Variants in MYO3B observed in about 807,000 individuals in gnomAD.
MYO3B encodes myosin-IIIb.
MYO3B carries 156 observed loss-of-function variants against 174.6 expected under a neutral mutation model. The ratio of observed to expected loss-of-function variants is 0.89; its 90% CI spans 0.78 to 1.02. The LOEUF is 1.02. Ranked by LOEUF, MYO3B falls within the 50% of genes least tolerant of loss-of-function variation. MYO3B has a pLI of 0.00. For missense variants in MYO3B, 1,632 were observed against 1,639.4 expected, an observed-to-expected ratio of 1.00 and a Z score of 0.08; for synonymous variants, 563 against 569.1, an observed-to-expected ratio of 0.99 and a Z score of 0.15.
At chr2:170,234,193 CAAAACAAAAA>C (rs2093045943) in intron 6 of MYO3B, among the ~76,000 whole-genome samples, 4 of 33,996 alleles carry the variant, frequency 1.2e-4, no homozygotes, top group Non-Finnish European at 3.6e-4. Context: ...AAAAACAAAA[CAAAACAAAAA>C]AAAAACACCT....
At chr2:170,581,258 A>G (rs1693131668) in intron 32 of MYO3B, among the ~76,000 whole-genome samples, 1 of 152,176 alleles carries the variant, frequency 6.6e-6, no homozygotes, top group Non-Finnish European at 1.5e-5. Context: ...CTTGTCTCTG[A>G]TTAATAATAA....
At chr2:170,518,264 A>G (rs1291992832) in intron 29 of MYO3B, among the ~76,000 whole-genome samples, 1 of 152,198 alleles carries the variant, frequency 6.6e-6, no homozygotes, top group Admixed American at 6.5e-5. Context: ...CTCCATTTCT[A>G]TCATGTATTC....
At chr2:170,295,033 C>T (rs902050422) in intron 7 of MYO3B, among the ~76,000 whole-genome samples, 6 of 151,946 alleles carry the variant, frequency 3.9e-5, no homozygotes, top group Admixed American at 2.0e-4. Context: ...TTTAAAAGTA[C>T]AGAACTATTA....
intron 9 of MYO3B, among the ~76,000 whole-genome samples, chr2:170,377,695 G>A (rs2094305156): frequency 1.3e-5 from 2 of 152,218 alleles, no homozygotes; most frequent in East Asian, 3.8e-4. Context: ...TGTCTGAGAA[G>A]CCAGCCTTGG....
At chr2:170,375,469 G>C (rs540301333) in intron 9 of MYO3B, among the ~76,000 whole-genome samples, 48 of 151,712 alleles carry the variant, frequency 3.2e-4, no homozygotes, top group Non-Finnish European at 5.3e-4. Context: ...AATGCCAAGG[G>C]TCTGTTCTAA....
chr2:170,648,829 AAAT>A (rs1270001208), intron 32 of MYO3B, among the ~76,000 whole-genome samples: 27 of 115,540 alleles, frequency 2.3e-4, no homozygotes, highest in Non-Finnish European at 3.6e-4. Context: ...AGAATATTAT[AAAT>A]AATATATTCT....
In MYO3B at chr2:170,203,496, GGC is replaced by G. The variant is rs1363319244; in HGVS notation, c.321+3214_321+3215del. On this transcript the variant is annotated intron_variant, in intron 3 of 34. Transcript: ENST00000408978. ...ATGTAGAGCCAAAGCAAAAGGGGGCGGCGGGGGGGGGAGGGAGGGAGGGAGAA... is the reference window on the plus strand; with the variant it reads ...ATGTAGAGCCAAAGCAAAAGGGGGCGGGGGGGGGGAGGGAGGGAGGGAGAA... 3.3e-3 allele frequency among the ~76,000 whole-genome samples: 383 copies of G among 116,826 alleles called. 17 individuals carry two copies. Among genetic ancestry groups the G allele is most frequent in the East Asian group, 0.013 (31 of 2,316 alleles). 76.6% of individuals were successfully genotyped at this position (116,826 alleles called of 152,430 possible). A position where few individuals can be genotyped will look rare whatever the true frequency, so the allele number is the denominator to read the frequency against.
At chr2:170,536,925 G>A (rs553586685) in intron 30 of MYO3B, among the ~76,000 whole-genome samples, 1 of 152,160 alleles carries the variant, frequency 6.6e-6, no homozygotes, top group African/African-American at 2.4e-5. Context: ...GTCTCGGCTG[G>A]GCGTGGTGGC....
At chr2:170,222,777 A>G (rs977766975) in intron 6 of MYO3B, among the ~76,000 whole-genome samples, 1 of 152,130 alleles carries the variant, frequency 6.6e-6, no homozygotes, top group African/African-American at 2.4e-5. Flanking sequence ...TTTGGAGGAC[A>G]CAGTTCAACC....
chr2:170,435,573 C>T (rs1436668616), intron 22 of MYO3B, among the ~76,000 whole-genome samples: 3 of 152,182 alleles, frequency 2.0e-5, no homozygotes, highest in Non-Finnish European at 4.4e-5. Context: ...ATGTGGGCTA[C>T]GTGGTTTCAG....
chr2:170,236,078 GA>G lies in MYO3B; in HGVS notation c.692del (p.Asp231ValfsTer12). The G allele has an allele frequency of 6.2e-7, 1 of 1,614,078 alleles. No homozygotes were observed. Among genetic ancestry groups the G allele is most frequent in the East Asian group, 2.2e-5 (1 of 44,888 alleles). On this transcript the variant is annotated frameshift_variant, in exon 7 of 35. Coordinates refer to ENST00000408978, the MANE Select transcript of MYO3B (RefSeq NM_138995.5). LOFTEE classifies it high-confidence loss of function. ...GGGGATCACAGCTATTGAACTGGGG[GA>G]TGGAGACCCTCCCCTCTTTGACATG... ...SLGITAIELGDGDPPLFDMHP... is the reference protein window; with the variant it reads ...SLGITAIELGXGDPPLFDMHP...
intron 1 of MYO3B, 129 bp downstream of exon 1, chr2:170,178,418 C>T (rs1272199561): frequency 1.1e-5 from 13 of 1,192,184 alleles, no homozygotes; most frequent in Non-Finnish European, 1.6e-5. Context: ...TGGCTTTGGG[C>T]CTCTGTCTGA....
intron 16 of MYO3B, among the ~76,000 whole-genome samples, chr2:170,398,204 C>T (rs1206142725): frequency 1.3e-5 from 1 of 79,486 alleles, no homozygotes; most frequent in Non-Finnish European, 2.3e-5. Context: ...GCCTGGGCAA[C>T]AAGAGCAAAA....
rs879779912 is a variant in MYO3B at position 170,580,730 on chromosome 2, G to A, written c.3733+36742G>A. Among the ~76,000 whole-genome samples the A allele has an allele frequency of 2.2e-3, 333 of 149,830 alleles. 4 individuals are homozygous for A. In the East Asian group the frequency reaches 0.042, roughly 19 times the overall value. On this transcript the variant is annotated intron_variant, in intron 32 of 34. Transcript: ENST00000408978. Reference sequence around the variant, plus strand: ...CAAAACCTTATATATGTGTGTGTGTGTGTGTGTGTGTGTGTGTGTGTGTGT... The same window carrying A: ...CAAAACCTTATATATGTGTGTGTGTATGTGTGTGTGTGTGTGTGTGTGTGT...
chr2:170,187,174 A>G (rs2092476309), intron 1 of MYO3B, among the ~76,000 whole-genome samples: 1 of 150,770 alleles, frequency 6.6e-6, no homozygotes, highest in Non-Finnish European at 1.5e-5. Context: ...TCTGATCTTT[A>G]TTATTTCTTT....
Position 170,542,919 on chromosome 2 carries a change from C to T in MYO3B, c.3589C>T (p.Gln1197Ter). The change falls in exon 31 of 35, where the codon CAG (glutamine) becomes TAG (stop). Residue 1197 changes from glutamine (Q) to a stop codon, truncating the protein, a stop_gained. Coordinates refer to ENST00000408978, the MANE Select transcript of MYO3B (RefSeq NM_138995.5). LOFTEE classifies it high-confidence loss of function. The stretch of plus-strand genomic sequence containing the variant: ...TTATCTTTTCAGGCATTCACAAGCC[C>T]AGAGTTCTCCAAAAGGGTGCGATAT... ...VTEKNGHSQA[Q>*]SSPKGCDIFA... The T allele has an allele frequency of 6.2e-7, 1 of 1,607,324 alleles. No individual in the cohort carries two copies. Among genetic ancestry groups the T allele is most frequent in the Non-Finnish European group, 8.5e-7 (1 of 1,176,550 alleles).
intron 7 of MYO3B, among the ~76,000 whole-genome samples, chr2:170,277,862 T>G (rs1181433917): frequency 1.3e-5 from 2 of 152,132 alleles, no homozygotes; most frequent in Non-Finnish European, 2.9e-5. Flanking sequence ...GCTTTTCCCC[T>G]GTAGCATTTA....
At chr2:170,243,407 A>G (rs2093157182) in intron 7 of MYO3B, among the ~76,000 whole-genome samples, 2 of 152,214 alleles carry the variant, frequency 1.3e-5, no homozygotes, top group Admixed American at 1.3e-4. Context: ...AGATAGAGGA[A>G]GGAACAGAAA....
At chr2:170,627,496 A>G (rs1444616175) in intron 32 of MYO3B, among the ~76,000 whole-genome samples, 1 of 152,106 alleles carries the variant, frequency 6.6e-6, no homozygotes, top group African/African-American at 2.4e-5. Flanking sequence ...ATGGGTTCGA[A>G]CTTCCTCCTT....
Sources: allele counts gnomAD v4.1 joint callset (sites outside exome capture counted in the v4.1 genomes callset), GRCh38; gene constraint gnomAD v4.1.1; transcripts MANE v1.5; gene names NCBI Gene and HGNC (gene_info 2026-07-23, HGNC 2026-07-21).